Variants in CCAR1 observed in about 807,000 individuals in gnomAD.
The protein encoded by CCAR1 is cell division cycle and apoptosis regulator 1.
A neutral mutation model predicts 163.8 loss-of-function variants in CCAR1; 78 were observed. The ratio of observed to expected loss-of-function variants is 0.48; its 90% CI spans 0.40 to 0.57. CCAR1 has a LOEUF of 0.57. Among genes scored for constraint, CCAR1 ranks in the 20% least tolerant of loss-of-function variants. The pLI is 0.00. For missense variants in CCAR1, 1,019 were observed against 1,365.2 expected (o/e 0.75, Z 4.00); for synonymous variants, 443 against 460.7 (o/e 0.96, Z 0.49).
intron 4 of CCAR1, among the ~76,000 whole-genome samples, chr10:68,738,766 G>T (rs956666573): frequency 6.6e-6 from 1 of 152,062 alleles, no homozygotes; most frequent in Non-Finnish European, 1.5e-5. Flanking sequence ...GAGAAAGTTG[G>T]TGAGGCACAG....
At chr10:68,790,616 C>T (rs2056842151) in intron 24 of CCAR1, among the ~76,000 whole-genome samples, 1 of 151,978 alleles carries the variant, frequency 6.6e-6, no homozygotes, top group Admixed American at 6.6e-5. Context: ...GCAGCCTCTG[C>T]CTCCTAGGCT....
chr10:68,738,591 C>G (rs1051915001), intron 4 of CCAR1, among the ~76,000 whole-genome samples: 3 of 151,550 alleles, frequency 2.0e-5, no homozygotes, highest in African/African-American at 7.3e-5. Flanking sequence ...AGGCTTTCAG[C>G]TTTTATTTTT....
intron 19 of CCAR1, among the ~76,000 whole-genome samples, chr10:68,777,978 T>G (rs192595252): frequency 4.6e-5 from 7 of 152,264 alleles, no homozygotes; most frequent in Admixed American, 4.6e-4. Flanking sequence ...CCCAGTACTT[T>G]GGGAGGCCAA....
chr10:68,761,316 T>A (rs533899953), intron 16 of CCAR1, 124 bp downstream of exon 16: 149 of 399,964 alleles, frequency 3.7e-4, no homozygotes, highest in African/African-American at 2.6e-3. Context: ...TTAATTAATT[T>A]ATTTATTTGA....
chr10:68,749,801 A>G lies in CCAR1; in HGVS notation c.1118+116A>G, dbSNP rs1015003524. The G allele has an allele frequency of 6.0e-6, 5 of 837,112 alleles. No individual in the cohort carries two copies. The East Asian group carries it at 9.8e-5, about 16-fold the overall frequency. The allele number at this position is 837,112 out of a possible 1,614,324, so 51.9% of individuals were successfully genotyped here. ...GATTTCCCGACAGTTAGTGTTCTTCATATAAGGGCAGAAATGCAATTTGAA... is the reference window on the plus strand; with the variant it reads ...GATTTCCCGACAGTTAGTGTTCTTCGTATAAGGGCAGAAATGCAATTTGAA... On this transcript the variant is annotated intron_variant, in intron 10 of 24. Coordinates refer to ENST00000265872, the MANE Select transcript of CCAR1 (RefSeq NM_018237.4).
chr10:68,760,391 C>G (rs1024991501), intron 15 of CCAR1, among the ~76,000 whole-genome samples: 1 of 151,996 alleles, frequency 6.6e-6, no homozygotes, highest in African/African-American at 2.4e-5. Context: ...GGTTTTTTCC[C>G]CCTTCTATTT....
Position 68,771,462 on chromosome 10 carries a change from T to G in CCAR1, c.2538+17T>G, listed in dbSNP as rs2056601383. 1 of 1,553,510 alleles carries G rather than the reference T, an allele frequency of 6.4e-7. No individual in the cohort carries two copies. Among genetic ancestry groups the G allele is most frequent in the African/African-American group, 1.4e-5 (1 of 72,174 alleles). On this transcript the variant is annotated intron_variant, in intron 18 of 24. Transcript: ENST00000265872. ...GAAAGGAAGGTCTGTAATAACAACCTGCTTTAGAAGCTTTCAGTTACTCTT... is the reference window on the plus strand; with the variant it reads ...GAAAGGAAGGTCTGTAATAACAACCGGCTTTAGAAGCTTTCAGTTACTCTT...
chr10:68,773,767 T>G (rs1398173427), intron 19 of CCAR1, among the ~76,000 whole-genome samples: 1 of 152,010 alleles, frequency 6.6e-6, no homozygotes, highest in African/African-American at 2.4e-5. Flanking sequence ...GCTGGAGTAC[T>G]GTGGCATGCT....
At chr10:68,749,375 TTTATG>T (rs1349477393) in intron 9 of CCAR1, 110 bp downstream of exon 9, 58 of 1,303,948 alleles carry the variant, frequency 4.4e-5, no homozygotes, top group African/African-American at 2.8e-4. Context: ...AATGGTAAAT[TTTATG>T]TTATGTCTAT....
At chr10:68,731,594 T>G (rs1316611979) in intron 2 of CCAR1, among the ~76,000 whole-genome samples, 1 of 26,412 alleles carries the variant, frequency 3.8e-5, no homozygotes, top group South Asian at 1.2e-3. Flanking sequence ...TGTTTCTGTT[T>G]TTTTTTTTTT....
rs528720322 is a variant in CCAR1, at chr10:68,783,966, G to A, written c.2651-2170G>A. Among the ~76,000 whole-genome samples the A allele has an allele frequency of 2.3e-3, 354 of 151,916 alleles. 2 individuals are homozygous for A. The highest frequency in any genetic ancestry group is 7.7e-3 in the African/African-American group (318 of 41,446). ...GTAGAGACGGGGTTTCACCATGTTA[G>A]CGAGGATGGTCTCGATCTCCTGACC... On this transcript the variant is annotated intron_variant, in intron 19 of 24. Transcript: ENST00000265872.
rs2056170793 is a variant in CCAR1, at chr10:68,740,671, T to C, written c.324+10T>C. 1.9e-6 allele frequency: 3 copies of C among 1,603,112 alleles called. No homozygotes were observed. Among genetic ancestry groups the C allele is most frequent in the African/African-American group, 2.7e-5 (2 of 74,646 alleles). On this transcript the variant is annotated intron_variant, in intron 5 of 24. Transcript: ENST00000265872. Reference sequence around the variant, plus strand: ...AACCCTCTTAACACAGGTTAGTTGGTATTACTTTATTTGTTTTGGATGTCT... The same window carrying C: ...AACCCTCTTAACACAGGTTAGTTGGCATTACTTTATTTGTTTTGGATGTCT...
intron 13 of CCAR1, among the ~76,000 whole-genome samples, chr10:68,755,857 T>C (rs927473553): frequency 9.2e-5 from 14 of 152,066 alleles, no homozygotes; most frequent in African/African-American, 3.1e-4. Context: ...CATTTCATTA[T>C]AATTCTTTTG....
Position 68,771,315 on chromosome 10 carries a change from A to T in CCAR1, c.2408A>T (p.Asp803Val). The T allele has an allele frequency of 6.2e-7, 1 of 1,610,080 alleles. No individual in the cohort carries two copies. The change falls in exon 18 of 25, where the codon GAT becomes GTT. Residue 803 changes from aspartate (D) to valine (V), a missense_variant. Physicochemically the swap from Asp to Val is radical, Grantham distance 152. This residue lies in a region of CCAR1 where 358 missense variants were observed against 406.4 expected (regional missense o/e 0.88). Coordinates refer to ENST00000265872, the MANE Select transcript of CCAR1 (RefSeq NM_018237.4). Reference sequence around the variant, plus strand: ...GAGAAAGAGGACAAAAAAGAAAAGGATAAAAAAAGCAAAAAAGATGAGAGA... The same window carrying T: ...GAGAAAGAGGACAAAAAAGAAAAGGTTAAAAAAAGCAAAAAAGATGAGAGA... ...LPEKEDKKEK[D>V]KKSKKDERKD...
rs376666033 is a variant in CCAR1, at chr10:68,755,488, G to A, written c.1577G>A (p.Arg526His). 3.7e-6 allele frequency: 6 copies of A among 1,614,014 alleles called. No homozygotes were observed. Among genetic ancestry groups the A allele is most frequent in the African/African-American group, 1.3e-5 (1 of 74,954 alleles). The part of the protein sequence containing the change: ...DPSVLIKTAI[R>H]CCKALTGIDL... ...TCTGTGTTGATTAAGACTGCTATTC[G>A]TTGTTGTAAGGCTCTGACAGGCATT... Residue 526 changes from arginine (R) to histidine (H), a missense_variant, in exon 13 of 25, where the codon CGT becomes CAT. Arg to His is a conservative substitution (Grantham distance 29, BLOSUM62 0). Coordinates refer to ENST00000265872, the MANE Select transcript of CCAR1 (RefSeq NM_018237.4).
In CCAR1 at chr10:68,765,005, G is replaced by A. The variant is rs532869152; in HGVS notation, c.2107-883G>A. On this transcript the variant is annotated intron_variant, in intron 16 of 24. Coordinates refer to ENST00000265872, the MANE Select transcript of CCAR1 (RefSeq NM_018237.4). ...TTTAGATTGTCCGAATTTTATAAAC[G>A]TAGTTTCTTTCAGATAGCTTTTCTA... Among the ~76,000 whole-genome samples the A allele has an allele frequency of 5.9e-5, 9 of 152,252 alleles. No homozygotes were observed. In the South Asian group the frequency reaches 1.2e-3, roughly 21 times the overall value.
At chr10:68,769,121 C>T (rs897131036) in intron 17 of CCAR1, among the ~76,000 whole-genome samples, 4 of 152,102 alleles carry the variant, frequency 2.6e-5, no homozygotes, top group Non-Finnish European at 5.9e-5. Context: ...GGATTACAGG[C>T]GTGTGCCTAC....
chr10:68,761,019 C>T lies in CCAR1; in HGVS notation c.1933C>T (p.Arg645Ter), dbSNP rs751401281. The change falls in exon 16 of 25, where the codon CGA becomes TGA. Residue 645 changes from arginine to a stop codon, truncating the protein, a stop_gained. Coordinates refer to ENST00000265872, the MANE Select transcript of CCAR1 (RefSeq NM_018237.4). LOFTEE classifies it high-confidence loss of function. ...TCCATATATTCAGGTAAATGACCTCCGAAAAGAATTAGAAAGTCGAGCTCT... is the reference window on the plus strand; with the variant it reads ...TCCATATATTCAGGTAAATGACCTCTGAAAAGAATTAGAAAGTCGAGCTCT... The part of the protein sequence containing the change: ...DPKTMKVNDL[R>*]KELESRALSS... The T allele has an allele frequency of 2.6e-6, 4 of 1,514,620 alleles. No homozygotes were observed. The highest frequency in any genetic ancestry group is 3.5e-6 in the Non-Finnish European group (4 of 1,130,492). The allele number at this position is 1,514,620 out of a possible 1,614,324, so 93.8% of individuals were successfully genotyped here. A position where few individuals can be genotyped will look rare whatever the true frequency, so the allele number is the denominator to read the frequency against.
At chr10:68,754,908 T>A in intron 12 of CCAR1, 81 bp downstream of exon 12, 1 of 743,768 alleles carries the variant, frequency 1.3e-6, no homozygotes, top group Non-Finnish European at 2.3e-6. Context: ...TCTAAAGCCC[T>A]ACATTTTAAT....
Sources: allele counts gnomAD v4.1 joint callset (sites outside exome capture counted in the v4.1 genomes callset), GRCh38; gene constraint gnomAD v4.1.1; regional missense constraint gnomAD v4.1.1; transcripts MANE v1.5; gene names NCBI Gene and HGNC (gene_info 2026-07-23, HGNC 2026-07-21).